The following SRBD1 variants were observed in gnomAD, a reference collection of about 807,000 sequenced individuals.
The protein encoded by SRBD1 is S1 RNA-binding domain-containing protein 1.
In SRBD1, 88 loss-of-function variants were observed where a neutral mutation model predicts 115.3. That is an observed-to-expected ratio of 0.76 (90% CI 0.64 to 0.91). The LOEUF (loss-of-function observed/expected upper bound fraction) is 0.91. Among genes scored for constraint, SRBD1 ranks in the 40% least tolerant of loss-of-function variants. SRBD1 has a pLI of 0.00. For missense variants in SRBD1, 1,385 were observed against 1,177.4 expected (o/e 1.18, Z -2.58); for synonymous variants, 509 against 407.7 (o/e 1.25, Z -2.99).
At chr2:45,455,994 A>G (rs1016512544) in intron 16 of SRBD1, among the ~76,000 whole-genome samples, 3 of 151,890 alleles carry the variant, frequency 2.0e-5, no homozygotes, top group Non-Finnish European at 4.4e-5. Flanking sequence ...ATAAAGTAAT[A>G]AACACTATAT....
intron 4 of SRBD1, among the ~76,000 whole-genome samples, chr2:45,594,635 C>T (rs1013428410): frequency 6.6e-6 from 1 of 152,138 alleles, no homozygotes; most frequent in Non-Finnish European, 1.5e-5. Context: ...GAAATAGAAA[C>T]AAAATACATT....
At chr2:45,551,721 G>A (rs1418546048) in intron 11 of SRBD1, among the ~76,000 whole-genome samples, 2 of 152,134 alleles carry the variant, frequency 1.3e-5, no homozygotes, top group African/African-American at 4.8e-5. Flanking sequence ...AATTTCGTAT[G>A]CTAAAGTAAA....
At chr2:45,487,877 C>T (rs1490293120) in intron 15 of SRBD1, among the ~76,000 whole-genome samples, 1 of 152,046 alleles carries the variant, frequency 6.6e-6, no homozygotes, top group East Asian at 1.9e-4. Context: ...TGGTCTTGAA[C>T]TCCTGACCTC....
intron 2 of SRBD1, among the ~76,000 whole-genome samples, chr2:45,604,769 A>G (rs1674213691): frequency 6.6e-6 from 1 of 152,076 alleles, no homozygotes; most frequent in Non-Finnish European, 1.5e-5. Flanking sequence ...ACCACTCACT[A>G]TGCTCTCTAT....
chr2:45,493,345 T>G (rs1433750203), intron 14 of SRBD1, among the ~76,000 whole-genome samples: 1 of 152,190 alleles, frequency 6.6e-6, no homozygotes, highest in African/African-American at 2.4e-5. Flanking sequence ...ATTTTAGGGA[T>G]AGGAGACAAG....
chr2:45,538,582 A>C (rs1671837558), intron 14 of SRBD1, among the ~76,000 whole-genome samples: 1 of 152,212 alleles, frequency 6.6e-6, no homozygotes, highest in Non-Finnish European at 1.5e-5. Context: ...AGACTATGCT[A>C]ATAACTAAGA....
At position 45,511,870 on chromosome 2, in the gene SRBD1, G is replaced by C. The variant is rs909351146; in HGVS notation, c.1875-23539C>G. On this transcript the variant is annotated intron_variant, in intron 14 of 20. Coordinates refer to ENST00000263736, the MANE Select transcript of SRBD1 (RefSeq NM_018079.5). ...TCTACTTACCTCATCAAGACTGCTA[G>C]AATCCAGTTATGTAAAGAATTATTT... Among the ~76,000 whole-genome samples the C allele has an allele frequency of 2.6e-5, 4 of 152,146 alleles. No homozygotes were observed. In the East Asian group the frequency reaches 7.7e-4, roughly 29 times the overall value.
intron 19 of SRBD1, among the ~76,000 whole-genome samples, chr2:45,401,664 G>C (rs1344658821): frequency 1.3e-5 from 2 of 152,186 alleles, no homozygotes; most frequent in African/African-American, 4.8e-5. Context: ...GCAGGAGTTA[G>C]CTGGCATGCC....
intron 1 of SRBD1, among the ~76,000 whole-genome samples, chr2:45,608,915 C>G (rs1315937209): frequency 1.3e-5 from 2 of 151,764 alleles, no homozygotes; most frequent in Admixed American, 1.3e-4. Flanking sequence ...TCAAGCAATT[C>G]TCCTGCCTTA....
chr2:45,405,590 A>G lies in SRBD1; in HGVS notation c.2513+7524T>C, dbSNP rs138733823. Among the ~76,000 whole-genome samples the G allele has an allele frequency of 1.3e-3, 196 of 152,296 alleles. 1 individual carries two copies. The highest frequency in any genetic ancestry group is 4.5e-3 in the African/African-American group (187 of 41,572). ...ACAGATGGTCATGTGTATGGGTAGA[A>G]TCATCCAAGGAAGCAAGTAGAACAA... On this transcript the variant is annotated intron_variant, in intron 19 of 20. Coordinates refer to ENST00000263736, the MANE Select transcript of SRBD1 (RefSeq NM_018079.5).
intron 4 of SRBD1, 103 bp downstream of exon 4, chr2:45,599,346 G>T (rs1572826144): frequency 7.5e-6 from 11 of 1,462,562 alleles, no homozygotes; most frequent in Middle Eastern, 1.8e-4. Context: ...ACTGAAGAGA[G>T]AATTGAAAAC....
intron 18 of SRBD1, among the ~76,000 whole-genome samples, chr2:45,414,604 GTA>G (rs1491463343): frequency 1.4e-5 from 2 of 143,120 alleles, no homozygotes; most frequent in African/African-American, 2.6e-5. Context: ...CACATAGTGT[GTA>G]TAGTGTGTGT....
At chr2:45,580,868 A>T (rs1164075270) in intron 6 of SRBD1, among the ~76,000 whole-genome samples, 1 of 149,992 alleles carries the variant, frequency 6.7e-6, no homozygotes, top group South Asian at 2.1e-4. Flanking sequence ...TATTTTTAGT[A>T]GAGACGGGGT....
At chr2:45,588,004 AC>A (rs1673600392) in intron 4 of SRBD1, among the ~76,000 whole-genome samples, 1 of 152,216 alleles carries the variant, frequency 6.6e-6, no homozygotes, top group Non-Finnish European at 1.5e-5. Context: ...CATCTTAAGA[AC>A]CAGTCAACTT....
intron 18 of SRBD1, among the ~76,000 whole-genome samples, chr2:45,413,968 A>G (rs1028245041): frequency 3.3e-5 from 5 of 152,054 alleles, no homozygotes; most frequent in African/African-American, 1.2e-4. Context: ...AAAGACTCAT[A>G]CTTGACATAT....
At position 45,389,043 on chromosome 2, in the gene SRBD1, T is replaced by A. The variant is rs1475806474; in HGVS notation, c.*267A>T. 2.6e-6 allele frequency: 1 copy of A among 386,488 alleles called. No homozygotes were observed. Among genetic ancestry groups the A allele is most frequent in the African/African-American group, 2.1e-5 (1 of 48,726 alleles). 23.9% of individuals were successfully genotyped at this position (386,488 alleles called of 1,614,324 possible). A position where few individuals can be genotyped will look rare whatever the true frequency, so the allele number is the denominator to read the frequency against. On this transcript the variant is annotated 3_prime_UTR_variant, in exon 21 of 21. Transcript: ENST00000263736. ...GGAGTTAAAGATAAATTACAAAAAA[T>A]AAAAAACAAAATTTTAGTCAGAAAA...
chr2:45,592,896 T>G (rs1673768734), intron 4 of SRBD1, among the ~76,000 whole-genome samples: 2 of 152,150 alleles, frequency 1.3e-5, no homozygotes, highest in Admixed American at 1.3e-4. Context: ...GGTGGGGGTT[T>G]AATAACGTGT....
At chr2:45,555,284 C>G (rs1672437836) in intron 10 of SRBD1, among the ~76,000 whole-genome samples, 1 of 152,146 alleles carries the variant, frequency 6.6e-6, no homozygotes, top group Non-Finnish European at 1.5e-5. Flanking sequence ...ACTTAGAAGG[C>G]TGAAGCAGGA....
chr2:45,402,291 G>A (rs958030000), intron 19 of SRBD1, among the ~76,000 whole-genome samples: 1 of 152,102 alleles, frequency 6.6e-6, no homozygotes, highest in African/African-American at 2.4e-5. Flanking sequence ...ACACTGTTTG[G>A]CTTTTGTACA....
Sources: gnomAD v4.1 joint callset for allele counts (sites outside exome capture counted in the v4.1 genomes callset) on GRCh38, gnomAD v4.1.1 for gene constraint, MANE v1.5 for transcripts, NCBI Gene and HGNC (gene_info 2026-07-23, HGNC 2026-07-21) for gene names.